Variants in NCALD observed in about 807,000 individuals in gnomAD.
NCALD encodes the protein neurocalcin-delta.
NCALD carries 10 observed loss-of-function variants against 18.6 expected under a neutral mutation model. That is an observed-to-expected ratio of 0.54 (90% CI 0.33 to 0.91). NCALD has a LOEUF of 0.91. Among genes scored for constraint, NCALD ranks in the 40% least tolerant of loss-of-function variants. The pLI, the probability that NCALD is intolerant of heterozygous loss-of-function variation, is 0.03. For synonymous variants in NCALD, 88 were observed against 87.4 expected (o/e 1.01, Z -0.04); for missense variants, 184 against 247.6 (o/e 0.74, Z 1.72).
intron 1 of NCALD, among the ~76,000 whole-genome samples, chr8:102,082,064 C>T (rs1026735023): frequency 1.3e-5 from 2 of 152,066 alleles, no homozygotes; most frequent in Admixed American, 1.3e-4. Flanking sequence ...CACAAGGATA[C>T]TCATTAATGC....
At chr8:101,931,781 T>C (rs557026857) in intron 2 of NCALD, among the ~76,000 whole-genome samples, 1 of 152,280 alleles carries the variant, frequency 6.6e-6, no homozygotes, top group Non-Finnish European at 1.5e-5. Flanking sequence ...TCTATACACA[T>C]TATCTCTTTT....
At chr8:101,725,764 C>T (rs1443199015) in intron 1 of NCALD, among the ~76,000 whole-genome samples, 1 of 152,174 alleles carries the variant, frequency 6.6e-6, no homozygotes, top group Non-Finnish European at 1.5e-5. Context: ...TGTTGCAAGT[C>T]CCACAGAGGG....
intron 1 of NCALD, among the ~76,000 whole-genome samples, chr8:102,084,129 C>G (rs1029643498): frequency 1.3e-5 from 2 of 152,188 alleles, no homozygotes; most frequent in Admixed American, 6.5e-5. Flanking sequence ...TTCTTTTGCC[C>G]TGGCCTCATT....
At position 101,891,009 on chromosome 8, in the gene NCALD, T is replaced by G. The variant is rs78847020; in HGVS notation, c.-106-3782A>C. ...CAGCATGCAATAGCTTGGGTACACC[T>G]TAGAAACATAATGAATGAAAGAAAG... On this transcript the variant is annotated intron_variant, in intron 3 of 6. Coordinates refer to the NCALD transcript ENST00000311028. Among the ~76,000 whole-genome samples the G allele has an allele frequency of 2.2e-4, 33 of 152,312 alleles. No homozygotes were observed. The East Asian group carries it at 6.0e-3, about 28-fold the overall frequency.
At chr8:101,729,822 C>G (rs766989927) in intron 1 of NCALD, among the ~76,000 whole-genome samples, 20 of 152,094 alleles carry the variant, frequency 1.3e-4, no homozygotes, top group Admixed American at 3.9e-4. Flanking sequence ...GGGGGTTTTT[C>G]CAAGTTTTAT....
At chr8:102,004,805 G>T (rs2132040692) in intron 2 of NCALD, among the ~76,000 whole-genome samples, 2 of 152,220 alleles carry the variant, frequency 1.3e-5, no homozygotes, top group Non-Finnish European at 2.9e-5. Context: ...AATAAATGGT[G>T]CTGGGAAAAC....
intron 1 of NCALD, among the ~76,000 whole-genome samples, chr8:102,095,656 A>G (rs760178572): frequency 1.3e-5 from 2 of 152,230 alleles, no homozygotes; most frequent in African/African-American, 2.4e-5. Context: ...TGAAATTATT[A>G]ATAATAGAAA....
At chr8:101,787,336 T>C (rs886507382) in intron 1 of NCALD, among the ~76,000 whole-genome samples, 7 of 152,188 alleles carry the variant, frequency 4.6e-5, no homozygotes, top group African/African-American at 1.7e-4. Flanking sequence ...TGAGAACATC[T>C]CTTTCGTAAT....
intron 2 of NCALD, among the ~76,000 whole-genome samples, chr8:101,698,629 A>G (rs1250731465): frequency 6.6e-6 from 1 of 152,206 alleles, no homozygotes; most frequent in Non-Finnish European, 1.5e-5. Context: ...ATAACACCAC[A>G]CATCTACAAC....
At chr8:101,795,147 C>T (rs1050218422), upstream of NCALD, among the ~76,000 whole-genome samples, 2 of 152,090 alleles carry the variant, frequency 1.3e-5, no homozygotes, top group Non-Finnish European at 2.9e-5. Flanking sequence ...AGTTCTGTTT[C>T]CCACTATGAT....
chr8:101,995,156 C>T (rs1041359507), intron 2 of NCALD, among the ~76,000 whole-genome samples: 2 of 152,180 alleles, frequency 1.3e-5, no homozygotes, highest in African/African-American at 4.8e-5. Flanking sequence ...AGAACAGGAA[C>T]TCTGTCATTA....
At chr8:102,023,174 C>T (rs1047957835) in intron 1 of NCALD, among the ~76,000 whole-genome samples, 3 of 152,142 alleles carry the variant, frequency 2.0e-5, no homozygotes, top group African/African-American at 7.2e-5. Flanking sequence ...GTGACGCTGA[C>T]CACAGTTTCT....
intron 2 of NCALD, among the ~76,000 whole-genome samples, chr8:102,015,987 G>A (rs1487057661): frequency 6.6e-6 from 1 of 152,046 alleles, no homozygotes; most frequent in African/African-American, 2.4e-5. Flanking sequence ...TTTTAGTAGG[G>A]CACAGGCAAG....
At chr8:101,774,023 C>T (rs948336601) in intron 1 of NCALD, among the ~76,000 whole-genome samples, 1 of 152,084 alleles carries the variant, frequency 6.6e-6, no homozygotes, top group South Asian at 2.1e-4. Context: ...TAAAATGCTG[C>T]TATGACAAGT....
At chr8:101,933,251 G>A (rs1437332093) in intron 2 of NCALD, among the ~76,000 whole-genome samples, 1 of 152,220 alleles carries the variant, frequency 6.6e-6, no homozygotes, top group East Asian at 1.9e-4. Context: ...TAAGGATCTT[G>A]AGATGGAGAG....
chr8:101,801,641 TAC>T (rs1391769844), intron 4 of NCALD, among the ~76,000 whole-genome samples: 21 of 120,772 alleles, frequency 1.7e-4, no homozygotes, highest in Admixed American at 4.5e-4. Context: ...CAAGCACACT[TAC>T]TTTTTTTTTT....
At position 101,748,270 on chromosome 8, in the gene NCALD, G is replaced by A. The variant is rs138473591; in HGVS notation, c.-19-28622C>T. The stretch of plus-strand genomic sequence containing the variant: ...ATGGTGATTTAATCTAAGCATTTAC[G>A]TTTAGCAGATTTATGACACAAGTAA... On this transcript the variant is annotated intron_variant, in intron 1 of 3. Transcript: ENST00000220931. 5.4e-3 allele frequency among the ~76,000 whole-genome samples: 817 copies of A among 152,270 alleles called. 3 individuals carry two copies. The highest frequency in any genetic ancestry group is 8.9e-3 in the Non-Finnish European group (603 of 68,016).
At chr8:101,739,534 G>C (rs1586361443) in intron 1 of NCALD, among the ~76,000 whole-genome samples, 1 of 152,262 alleles carries the variant, frequency 6.6e-6, no homozygotes, top group South Asian at 2.1e-4. Context: ...AATCTGGGTG[G>C]GCACCATCTA....
rs142871120 is a variant in NCALD at position 101,703,512 on chromosome 8, C to A, written c.379-10616G>T. ...TATCCCCTCCCACCCGAAGCAGCAG[C>A]AACCACAAACCCAAAAAACAATGGA... On this transcript the variant is annotated intron_variant, in intron 2 of 3. Transcript: ENST00000220931. Among the ~76,000 whole-genome samples the A allele has an allele frequency of 2.3e-4, 35 of 152,304 alleles. No individual in the cohort carries two copies. The East Asian group carries it at 4.2e-3, about 18-fold the overall frequency.
Sources: gnomAD v4.1 joint callset for allele counts (sites outside exome capture counted in the v4.1 genomes callset) on GRCh38, gnomAD v4.1.1 for gene constraint, MANE v1.5 for transcripts, NCBI Gene and HGNC (gene_info 2026-07-23, HGNC 2026-07-21) for gene names.